The following RGS17 variants were observed in gnomAD, a reference collection of about 807,000 sequenced individuals.
RGS17 encodes regulator of G-protein signaling 17.
In RGS17, 12 loss-of-function variants were observed where a neutral mutation model predicts 25.5. That is an observed-to-expected ratio of 0.47 (90% CI 0.30 to 0.76). The LOEUF (loss-of-function observed/expected upper bound fraction) is 0.76. Ranked by LOEUF, RGS17 falls within the 30% of genes least tolerant of loss-of-function variation. The pLI, the probability that RGS17 is intolerant of heterozygous loss-of-function variation, is 0.07. For synonymous variants in RGS17, 71 were observed against 76.9 expected (o/e 0.92, Z 0.40); for missense variants, 196 against 242.2 (o/e 0.81, Z 1.27).
chr6:153,013,415 T>C (rs1157834772), intron 4 of RGS17, among the ~76,000 whole-genome samples: 2 of 152,326 alleles, frequency 1.3e-5, no homozygotes, highest in East Asian at 3.9e-4. Context: ...GGCCTCCCTA[T>C]TTCCCACAGA....
At chr6:153,078,310 C>CA (rs1192757389) in intron 1 of RGS17, among the ~76,000 whole-genome samples, 1 of 152,034 alleles carries the variant, frequency 6.6e-6, no homozygotes, top group African/African-American at 2.4e-5. Flanking sequence ...TCAATTTCTA[C>CA]AAAAAACCTT....
intron 4 of RGS17, among the ~76,000 whole-genome samples, chr6:153,016,915 GTCTGGATGGCTTCTAAAGCCA>G (rs1779191022): frequency 1.3e-5 from 2 of 152,188 alleles, no homozygotes; most frequent in Admixed American, 1.3e-4. Context: ...ATTCAGGTGT[GTCTGGATGGCTTCTAAAGCCA>G]TCTTATCTGG....
intron 1 of RGS17, among the ~76,000 whole-genome samples, chr6:153,053,912 AT>A (rs1776496599): frequency 9.6e-6 from 1 of 104,320 alleles, no homozygotes; most frequent in African/African-American, 4.3e-5. Context: ...ACATACACAC[AT>A]TATATATATA....
intron 1 of RGS17, among the ~76,000 whole-genome samples, chr6:153,102,546 T>C (rs527725660): frequency 7.9e-5 from 12 of 152,184 alleles, no homozygotes; most frequent in East Asian, 3.9e-4. Context: ...TGAGAGGTGA[T>C]TGGATCATGG....
intron 1 of RGS17, among the ~76,000 whole-genome samples, chr6:153,070,718 TAC>T (rs1242102320): frequency 6.7e-6 from 1 of 149,578 alleles, no homozygotes; most frequent in African/African-American, 2.5e-5. Flanking sequence ...CATATATATA[TAC>T]ACATATACAT....
chr6:153,069,859 T>C (rs1776763216), intron 1 of RGS17, among the ~76,000 whole-genome samples: 1 of 152,088 alleles, frequency 6.6e-6, no homozygotes, highest in African/African-American at 2.4e-5. Context: ...ACGTTATTTA[T>C]TATGTCTGTT....
rs1307701463 is a variant in RGS17 at position 153,007,560 on chromosome 6, T to C, written c.*4014A>G. ...TTTGATAGGCTTCTATCTATAGGCA[T>C]TTTCTGTCTAAGACTTAAAAATATT... is the stretch of plus-strand genomic sequence containing the variant. On this transcript the variant is annotated 3_prime_UTR_variant, in exon 5 of 5. Coordinates refer to ENST00000206262, the MANE Select transcript of RGS17 (RefSeq NM_012419.5). The C allele has an allele frequency of 1.3e-5, 2 of 151,976 alleles. No individual in the cohort carries two copies. Among genetic ancestry groups the C allele is most frequent in the African/African-American group, 4.8e-5 (2 of 41,400 alleles). 9.4% of individuals were successfully genotyped at this position (151,976 alleles called of 1,614,324 possible). A position where few individuals can be genotyped will look rare whatever the true frequency, so the allele number is the denominator to read the frequency against.
intron 1 of RGS17, among the ~76,000 whole-genome samples, chr6:153,108,681 T>A: frequency 1.0e-5 from 1 of 100,188 alleles, no homozygotes; most frequent in East Asian, 4.9e-4. Context: ...CTGATGTCAG[T>A]TTTTAAAACA....
At chr6:153,104,660 A>C (rs1777352731) in intron 1 of RGS17, among the ~76,000 whole-genome samples, 1 of 152,142 alleles carries the variant, frequency 6.6e-6, no homozygotes, top group Non-Finnish European at 1.5e-5. Context: ...TGAATAAAAT[A>C]CCTAAAATCA....
intron 2 of RGS17, among the ~76,000 whole-genome samples, chr6:153,039,211 T>A (rs1776290988): frequency 6.6e-6 from 1 of 152,190 alleles, no homozygotes; most frequent in Admixed American, 6.5e-5. Flanking sequence ...GAGGCTTGCA[T>A]CTCAGTTCCA....
chr6:153,108,311 T>C (rs1777414926), intron 1 of RGS17, among the ~76,000 whole-genome samples: 1 of 152,226 alleles, frequency 6.6e-6, no homozygotes, highest in South Asian at 2.1e-4. Context: ...GTGATCTAAA[T>C]GTTCTGGTAT....
intron 2 of RGS17, among the ~76,000 whole-genome samples, chr6:153,037,715 C>T (rs1321912034): frequency 2.6e-5 from 4 of 152,184 alleles, no homozygotes; most frequent in Non-Finnish European, 5.9e-5. Flanking sequence ...TAAGCCACCA[C>T]ACCCGGCCTA....
At chr6:153,024,203 T>C in intron 4 of RGS17, 59 bp downstream of exon 4, 1 of 1,127,494 alleles carries the variant, frequency 8.9e-7, no homozygotes, top group South Asian at 1.3e-5. Flanking sequence ...TGGACAGCCA[T>C]CCCTTGACGG....
At chr6:153,113,104 C>T (rs1777496699) in intron 1 of RGS17, among the ~76,000 whole-genome samples, 1 of 152,206 alleles carries the variant, frequency 6.6e-6, no homozygotes, top group South Asian at 2.1e-4. Flanking sequence ...GCTAAATGCT[C>T]CATCCAATTA....
At chr6:153,082,117 C>T (rs930025534) in intron 1 of RGS17, among the ~76,000 whole-genome samples, 1 of 152,174 alleles carries the variant, frequency 6.6e-6, no homozygotes, top group Non-Finnish European at 1.5e-5. Context: ...TTTTGTTTCT[C>T]CATACACTGT....
chr6:153,092,886 T>C (rs1466485057), intron 1 of RGS17, among the ~76,000 whole-genome samples: 1 of 152,152 alleles, frequency 6.6e-6, no homozygotes, highest in Admixed American at 6.5e-5. Flanking sequence ...TTCGCTTTCA[T>C]TTGAAAACCA....
In RGS17 at chr6:153,082,390, G is replaced by C. The variant is rs537436283; in HGVS notation, c.-25-38347C>G. On this transcript the variant is annotated intron_variant, in intron 1 of 4. Transcript: ENST00000206262. ...GGAGGCTGTGTCAATTTTCATTTCA[G>C]TATTTTTTTTCCTCTCTGTGTCTTA... 1.4e-4 allele frequency among the ~76,000 whole-genome samples: 22 copies of C among 152,104 alleles called. No individual in the cohort carries two copies. The South Asian group carries it at 2.5e-3, about 17-fold the overall frequency.
intron 2 of RGS17, among the ~76,000 whole-genome samples, chr6:153,029,840 T>G (rs994371493): frequency 1.3e-5 from 2 of 152,226 alleles, no homozygotes; most frequent in Non-Finnish European, 2.9e-5. Flanking sequence ...CCACCCACTT[T>G]GGCCTCCCAA....
chr6:153,022,408 A>G (rs949317398), intron 4 of RGS17, among the ~76,000 whole-genome samples: 1 of 152,224 alleles, frequency 6.6e-6, no homozygotes, highest in Non-Finnish European at 1.5e-5. Context: ...TACATAAAAA[A>G]CTAAACATTA....
Sources: gnomAD v4.1 joint callset for allele counts (sites outside exome capture counted in the v4.1 genomes callset) on GRCh38, gnomAD v4.1.1 for gene constraint, MANE v1.5 for transcripts, NCBI Gene and HGNC (gene_info 2026-07-23, HGNC 2026-07-21) for gene names.